The following FBXO39 variants were observed in gnomAD, a reference collection of about 807,000 sequenced individuals.
FBXO39 encodes F-box only protein 39.
FBXO39 carries 22 observed loss-of-function variants against 36.6 expected under a neutral mutation model. The observed-to-expected ratio is 0.60, with a 90% CI of 0.43 to 0.86. The LOEUF is 0.86. Among genes scored for constraint, FBXO39 ranks in the 40% least tolerant of loss-of-function variants. FBXO39 has a pLI of 0.00. For synonymous variants in FBXO39, 206 were observed against 205.8 expected, an observed-to-expected ratio of 1.00 and a Z score of -0.01; for missense variants, 536 against 543.9, an observed-to-expected ratio of 0.99 and a Z score of 0.14.
At chr17:6,777,285 T>C (rs993033410) in intron 1 of FBXO39, among the ~76,000 whole-genome samples, 6 of 151,040 alleles carry the variant, frequency 4.0e-5, no homozygotes, top group African/African-American at 9.7e-5. Flanking sequence ...ACAGGCCCCA[T>C]TGTGTGATGT....
At chr17:6,778,937 C>T (rs575736950) in intron 1 of FBXO39, among the ~76,000 whole-genome samples, 1 of 152,260 alleles carries the variant, frequency 6.6e-6, no homozygotes, top group South Asian at 2.1e-4. Flanking sequence ...TGCTCTTGAC[C>T]ATCCTTCCTC....
intron 1 of FBXO39, among the ~76,000 whole-genome samples, chr17:6,778,043 C>G (rs2151572328): frequency 6.6e-6 from 1 of 152,256 alleles, no homozygotes; most frequent in South Asian, 2.1e-4. Context: ...CTCACTGCCA[C>G]TGTGGTGTTG....
chr17:6,787,246 G>T, intron 3 of FBXO39, 54 bp from the exon 4 acceptor site: 1 of 1,571,066 alleles, frequency 6.4e-7, no homozygotes, highest in Non-Finnish European at 8.6e-7. Flanking sequence ...GTATGTGTGT[G>T]TGTGTGTGCG....
At chr17:6,781,005 G>A (rs1031019956) in intron 2 of FBXO39, 114 bp downstream of exon 2, 3 of 1,168,930 alleles carry the variant, frequency 2.6e-6, no homozygotes, top group East Asian at 2.4e-5. Flanking sequence ...ATCTCAAATT[G>A]AAGTTCTAGG....
chr17:6,786,007 T>G (rs1024920147), intron 2 of FBXO39, among the ~76,000 whole-genome samples: 2 of 152,222 alleles, frequency 1.3e-5, no homozygotes, highest in South Asian at 4.1e-4. Context: ...GCTAGGTGTA[T>G]ACCCCAAAGA....
Position 6,779,931 on chromosome 17 carries a change from T to C in FBXO39, c.63T>C (p.Asp21=), listed in dbSNP as rs1976483990. 1 of 1,614,038 alleles carries C rather than the reference T, an allele frequency of 6.2e-7. No homozygotes were observed. The highest frequency in any genetic ancestry group is 1.3e-5 in the African/African-American group (1 of 74,930). The change falls in exon 2 of 4, where the codon GAT becomes GAC. Residue 21 remains aspartate (D), a synonymous_variant. Transcript: ENST00000321535. The part of the protein sequence containing the change: ...QDQSCWAFLP[D]LCLCRVFWWL... ...AGAGCTGCTGGGCCTTTCTGCCCGA[T>C]TTGTGTCTGTGCCGTGTTTTCTGGT...
At position 6,787,506 on chromosome 17, in the gene FBXO39, T is replaced by C. The variant is rs2151576026; in HGVS notation, c.*78T>C. On this transcript the variant is annotated 3_prime_UTR_variant, in exon 4 of 4. Coordinates refer to ENST00000321535, the MANE Select transcript of FBXO39 (RefSeq NM_153230.3). ...TTCTCTTAGAACTACACTTGGGCAC[T>C]GCCGGCCCTTTTGCTCCTCTCTCTC... 1 of 1,563,432 alleles carries C rather than the reference T, an allele frequency of 6.4e-7. No individual in the cohort carries two copies. Among genetic ancestry groups the C allele is most frequent in the Non-Finnish European group, 8.7e-7 (1 of 1,149,922 alleles).
At chr17:6,784,953 GTA>G (rs1235738371) in intron 2 of FBXO39, among the ~76,000 whole-genome samples, 3,219 of 113,846 alleles carry the variant, frequency 0.028, 198 homozygotes, top group African/African-American at 0.1. Flanking sequence ...GTGTGTGTGT[GTA>G]TATATATATA....
intron 2 of FBXO39, among the ~76,000 whole-genome samples, chr17:6,781,386 G>A (rs569643932): frequency 2.0e-4 from 30 of 152,076 alleles, no homozygotes; most frequent in Admixed American, 3.9e-4. Flanking sequence ...TTACACAACC[G>A]AAGAGCTCAG....
chr17:6,784,953 G>GTGTGTGTATATATATATA (rs1302291142), intron 2 of FBXO39, among the ~76,000 whole-genome samples: 7 of 113,826 alleles, frequency 6.1e-5, no homozygotes, highest in African/African-American at 2.6e-4. Flanking sequence ...GTGTGTGTGT[G>GTGTGTGTATATATATATA]TATATATATA....
At chr17:6,785,684 G>A (rs1976562484) in intron 2 of FBXO39, among the ~76,000 whole-genome samples, 1 of 152,060 alleles carries the variant, frequency 6.6e-6, no homozygotes. Flanking sequence ...TTAAAAAATA[G>A]GCAAAAGACT....
intron 2 of FBXO39, among the ~76,000 whole-genome samples, chr17:6,781,822 C>T (rs1976511933): frequency 1.3e-5 from 2 of 152,188 alleles, no homozygotes; most frequent in East Asian, 3.8e-4. Context: ...ATTCCATTAA[C>T]ACCAGACCTG....
intron 2 of FBXO39, among the ~76,000 whole-genome samples, chr17:6,782,464 A>G (rs900085153): frequency 2.6e-5 from 4 of 152,164 alleles, no homozygotes; most frequent in South Asian, 2.1e-4. Flanking sequence ...AAACCCTCCA[A>G]TCAAAAGACA....
At chr17:6,778,870 C>A (rs891779141) in intron 1 of FBXO39, among the ~76,000 whole-genome samples, 12 of 152,150 alleles carry the variant, frequency 7.9e-5, no homozygotes. Context: ...GTTACCAAAT[C>A]GTGTCTTCTA....
At chr17:6,781,362 A>C (rs1031639451) in intron 2 of FBXO39, among the ~76,000 whole-genome samples, 2 of 151,962 alleles carry the variant, frequency 1.3e-5, no homozygotes, top group Non-Finnish European at 2.9e-5. Flanking sequence ...GCCAGACAAA[A>C]AGTCAAATTT....
In FBXO39 at chr17:6,780,504, C is replaced by T; in HGVS notation, c.636C>T (p.Asn212=). 6.2e-7 allele frequency: 1 copy of T among 1,614,138 alleles called. No homozygotes were observed. The highest frequency in any genetic ancestry group is 8.5e-7 in the Non-Finnish European group (1 of 1,180,032). The part of the protein sequence containing the change: ...DYFSHHLAVY[N]SPQFKKTMST... ...TCAGCCATCACCTTGCTGTCTACAA[C>T]AGCCCCCAGTTCAAAAAGACCATGT... The change falls in exon 2 of 4, where the codon AAC becomes AAT. Residue 212 remains asparagine, a synonymous_variant. Transcript: ENST00000321535.
intron 1 of FBXO39, among the ~76,000 whole-genome samples, chr17:6,777,514 G>C (rs1162875582): frequency 6.6e-6 from 1 of 152,120 alleles, no homozygotes; most frequent in Non-Finnish European, 1.5e-5. Flanking sequence ...GATCATTGAT[G>C]GGCATTTGGG....
intron 2 of FBXO39, among the ~76,000 whole-genome samples, chr17:6,781,787 T>A (rs2151573905): frequency 6.6e-6 from 1 of 152,318 alleles, no homozygotes; most frequent in Non-Finnish European, 1.5e-5. Context: ...ACATGTCCAA[T>A]GTCCCTTATC....
chr17:6,780,459 G>T lies in FBXO39; in HGVS notation c.591G>T (p.Glu197Asp). 3 of 1,614,116 alleles carry T rather than the reference G, an allele frequency of 1.9e-6. No individual in the cohort carries two copies. Among genetic ancestry groups the T allele is most frequent in the Non-Finnish European group, 2.5e-6 (3 of 1,180,038 alleles). Residue 197 changes from glutamate to aspartate, a missense_variant, in exon 2 of 4, where the codon GAG becomes GAT. By Grantham distance (45) the Glu-to-Asp change is conservative. Coordinates refer to ENST00000321535, the MANE Select transcript of FBXO39 (RefSeq NM_153230.3). ...SYMRNENVIS[E>D]LNIEDYFSHH... ...TGAGGAATGAGAATGTGATCTCAGA[G>T]CTCAACATCGAGGACTATTTCAGCC...
Sources: gnomAD v4.1 joint callset for allele counts (sites outside exome capture counted in the v4.1 genomes callset) on GRCh38, gnomAD v4.1.1 for gene constraint, MANE v1.5 for transcripts, NCBI Gene and HGNC (gene_info 2026-07-23, HGNC 2026-07-21) for gene names.